The following SCAPER variants were observed in gnomAD, a reference collection of about 807,000 sequenced individuals.
SCAPER encodes the protein S-phase cyclin A associated protein in the ER, also known as S phase cyclin A-associated protein in the endoplasmic reticulum.
In SCAPER, 98 loss-of-function variants were observed where a neutral mutation model predicts 182.2. The ratio of observed to expected loss-of-function variants is 0.54; its 90% CI spans 0.46 to 0.64. SCAPER has a LOEUF of 0.64. Among genes scored for constraint, SCAPER ranks in the 30% least tolerant of loss-of-function variants. SCAPER has a pLI of 0.00. For missense variants in SCAPER, 1,432 were observed against 1,690.0 expected (o/e 0.85, Z 2.68); for synonymous variants, 605 against 564.6 (o/e 1.07, Z -1.01).
At chr15:76,595,301 CA>C (rs2049412299) in intron 22 of SCAPER, among the ~76,000 whole-genome samples, 1 of 121,150 alleles carries the variant, frequency 8.3e-6, no homozygotes, top group Admixed American at 9.4e-5. Context: ...TATACGGACC[CA>C]GATACATAAA....
intron 21 of SCAPER, among the ~76,000 whole-genome samples, chr15:76,629,242 C>G (rs560545490): frequency 6.6e-6 from 1 of 152,334 alleles, no homozygotes; most frequent in Admixed American, 6.5e-5. Context: ...TATTTGAATA[C>G]ACTTTATTTT....
At chr15:76,527,697 G>A (rs1024750165) in intron 23 of SCAPER, among the ~76,000 whole-genome samples, 16 of 152,236 alleles carry the variant, frequency 1.1e-4, no homozygotes, top group African/African-American at 3.1e-4. Context: ...GTCTGCCTCC[G>A]GACAAGGAGC....
chr15:76,891,406 T>C (rs1354094087), intron 1 of SCAPER, among the ~76,000 whole-genome samples: 1 of 152,176 alleles, frequency 6.6e-6, no homozygotes, highest in African/African-American at 2.4e-5. Context: ...AACATGATTA[T>C]ATATTTAGAA....
chr15:76,790,977 A>G (rs2064968358), intron 8 of SCAPER, among the ~76,000 whole-genome samples: 1 of 152,172 alleles, frequency 6.6e-6, no homozygotes, highest in African/African-American at 2.4e-5. Flanking sequence ...TTAATCTCAC[A>G]AGTTGTTAAA....
At chr15:76,672,017 C>G (rs575704620) in intron 20 of SCAPER, among the ~76,000 whole-genome samples, 2 of 152,240 alleles carry the variant, frequency 1.3e-5, no homozygotes, top group South Asian at 4.2e-4. Flanking sequence ...AAGGTCTGAT[C>G]TGACTAGTGG....
rs914698585 is a variant in SCAPER at position 76,349,899 on chromosome 15, A to T, written c.4100-1163T>A. ...TGGGACTGTGTCTTCCAGACAATGT[A>T]ACAAATTGTGACTCATCTTTATGAT... On this transcript the variant is annotated intron_variant, in intron 31 of 31. Coordinates refer to ENST00000563290, the MANE Select transcript of SCAPER (RefSeq NM_020843.4). The T allele has an allele frequency of 2.0e-4, 30 of 152,258 alleles. 1 individual carries two copies. The highest frequency in any genetic ancestry group is 7.0e-4 in the African/African-American group (29 of 41,558). 9.4% of individuals were successfully genotyped at this position (152,258 alleles called of 1,614,324 possible). A position where few individuals can be genotyped will look rare whatever the true frequency, so the allele number is the denominator to read the frequency against.
chr15:76,892,718 T>C (rs2074230432), intron 1 of SCAPER, among the ~76,000 whole-genome samples: 2 of 152,214 alleles, frequency 1.3e-5, no homozygotes, highest in African/African-American at 4.8e-5. Context: ...TTTACACTGT[T>C]GGTGGGAGTG....
chr15:76,673,987 A>ACC (rs1161731185), intron 20 of SCAPER, among the ~76,000 whole-genome samples: 2 of 135,726 alleles, frequency 1.5e-5, no homozygotes, highest in African/African-American at 5.1e-5. Context: ...ACACACACAC[A>ACC]CACCCCAATC....
intron 25 of SCAPER, among the ~76,000 whole-genome samples, chr15:76,438,105 A>G (rs1233116611): frequency 6.6e-6 from 1 of 151,948 alleles, no homozygotes; most frequent in African/African-American, 2.4e-5. Context: ...ACATGGTGAA[A>G]CCCTGTATCT....
At chr15:76,483,218 T>A (rs2051291848) in intron 24 of SCAPER, among the ~76,000 whole-genome samples, 2 of 151,194 alleles carry the variant, frequency 1.3e-5, no homozygotes, top group Non-Finnish European at 2.9e-5. Context: ...AACTGACCTT[T>A]GATAAAGGAG....
At chr15:76,543,039 G>A (rs1414779934) in intron 23 of SCAPER, among the ~76,000 whole-genome samples, 1 of 151,650 alleles carries the variant, frequency 6.6e-6, no homozygotes, top group African/African-American at 2.4e-5. Context: ...AATAATTATG[G>A]GTACATAATA....
At chr15:76,856,128 A>C (rs1410952501) in intron 4 of SCAPER, among the ~76,000 whole-genome samples, 1 of 152,232 alleles carries the variant, frequency 6.6e-6, no homozygotes, top group African/African-American at 2.4e-5. Context: ...CTGGAACATG[A>C]ATGGAGCTGG....
intron 25 of SCAPER, among the ~76,000 whole-genome samples, chr15:76,468,802 G>A (rs769512443): frequency 6.6e-5 from 10 of 152,112 alleles, no homozygotes; most frequent in Non-Finnish European, 1.2e-4. Flanking sequence ...TGGAGACGGG[G>A]CCTGTGGGAG....
At chr15:76,405,645 G>A (rs1251246992) in intron 26 of SCAPER, among the ~76,000 whole-genome samples, 1 of 152,152 alleles carries the variant, frequency 6.6e-6, no homozygotes, top group Non-Finnish European at 1.5e-5. Context: ...AATCCACAGA[G>A]CAGCAATCAT....
intron 24 of SCAPER, among the ~76,000 whole-genome samples, chr15:76,473,864 A>C (rs2050402793): frequency 6.6e-6 from 1 of 152,082 alleles, no homozygotes; most frequent in African/African-American, 2.4e-5. Context: ...GTGAAGTAGA[A>C]CAATCTCGGC....
intron 27 of SCAPER, among the ~76,000 whole-genome samples, chr15:76,383,118 A>ACC (rs1567033111): frequency 1.1e-4 from 16 of 146,824 alleles, no homozygotes; most frequent in Admixed American, 3.4e-4. Context: ...ACACACACAC[A>ACC]CCTACACACA....
chr15:76,612,996 G>A (rs2145962256), intron 22 of SCAPER, among the ~76,000 whole-genome samples: 1 of 152,308 alleles, frequency 6.6e-6, no homozygotes, highest in Admixed American at 6.5e-5. Context: ...TAGCATGGGA[G>A]GCATCAAGCT....
chr15:76,855,148 T>C (rs1215403807), intron 4 of SCAPER, among the ~76,000 whole-genome samples: 2 of 152,060 alleles, frequency 1.3e-5, no homozygotes, highest in African/African-American at 4.8e-5. Context: ...TATCTGATCT[T>C]TGACAAGACA....
intron 17 of SCAPER, among the ~76,000 whole-genome samples, chr15:76,727,965 A>G (rs1273845095): frequency 2.0e-5 from 3 of 152,240 alleles, no homozygotes; most frequent in African/African-American, 7.2e-5. Flanking sequence ...CCTTATTATT[A>G]ATCAGGGACA....
Sources: allele counts gnomAD v4.1 joint callset (sites outside exome capture counted in the v4.1 genomes callset), GRCh38; gene constraint gnomAD v4.1.1; transcripts MANE v1.5; gene names NCBI Gene and HGNC (gene_info 2026-07-23, HGNC 2026-07-21).